The following FMNL3 variants were observed in gnomAD, a reference collection of about 807,000 sequenced individuals.
FMNL3 encodes formin-like protein 3.
A neutral mutation model predicts 119.6 loss-of-function variants in FMNL3; 57 were observed. The observed-to-expected ratio is 0.48, with a 90% confidence interval of 0.39 to 0.59. The LOEUF is 0.59. Among genes scored for constraint, FMNL3 ranks in the 20% least tolerant of loss-of-function variants. FMNL3 has a pLI of 0.00. For missense variants in FMNL3, 1,053 were observed against 1,323.5 expected (o/e 0.80, Z 3.17); for synonymous variants, 491 against 507.3 (o/e 0.97, Z 0.43).
At chr12:49,681,462 T>G (rs1370333879) in intron 1 of FMNL3, among the ~76,000 whole-genome samples, 2 of 152,144 alleles carry the variant, frequency 1.3e-5, no homozygotes, top group Non-Finnish European at 2.9e-5. Context: ...GTGCTGGGAT[T>G]ACAAGCGTGA....
chr12:49,650,130 A>G (rs1168784883), intron 17 of FMNL3, among the ~76,000 whole-genome samples: 1 of 152,104 alleles, frequency 6.6e-6, no homozygotes, highest in African/African-American at 2.4e-5. Flanking sequence ...AAGCCCTTTG[A>G]TGTACTCCCA....
chr12:49,650,498 AG>A, intron 17 of FMNL3, among the ~76,000 whole-genome samples, 177 bp downstream of exon 17: 1 of 152,282 alleles, frequency 6.6e-6, no homozygotes, highest in South Asian at 2.1e-4. Flanking sequence ...CCTTGGGTGA[AG>A]GTCTGGGCTG....
intron 22 of FMNL3, 61 bp downstream of exon 22, chr12:49,648,132 C>T (rs1044265136): frequency 3.3e-6 from 5 of 1,528,976 alleles, no homozygotes; most frequent in African/African-American, 1.4e-5. Context: ...GAACTAGGGC[C>T]ACCTAGAGGG....
At chr12:49,679,519 CTTTTTTTTTTT>C (rs551320921) in intron 1 of FMNL3, among the ~76,000 whole-genome samples, 11 of 90,622 alleles carry the variant, frequency 1.2e-4, no homozygotes, top group African/African-American at 4.2e-4. Flanking sequence ...GCATTTGTGT[CTTTTTTTTTTT>C]TTTTTTTTTT....
At chr12:49,706,774 G>A (rs1054212884) in intron 1 of FMNL3, among the ~76,000 whole-genome samples, 3 of 152,144 alleles carry the variant, frequency 2.0e-5, no homozygotes, top group African/African-American at 4.8e-5. Context: ...AGCAGAAGGG[G>A]GAGGAAGAAG....
chr12:49,651,121 G>C (rs753506629), intron 16 of FMNL3, 47 bp downstream of exon 16: 1 of 1,595,892 alleles, frequency 6.3e-7, no homozygotes. Context: ...AAGGCAACCA[G>C]GTCCCTAGCC....
chr12:49,654,777 A>T, intron 10 of FMNL3, 133 bp downstream of exon 10: 1 of 847,358 alleles, frequency 1.2e-6, no homozygotes, highest in Non-Finnish European at 1.9e-6. Flanking sequence ...GGTGGACAAG[A>T]AGCATTTGCT....
Position 49,637,881 on chromosome 12 carries a change from C to T in FMNL3, c.*7934G>A, listed in dbSNP as rs1942064503. 7.1e-7 allele frequency: 1 copy of T among 1,401,238 alleles called. No homozygotes were observed. Among genetic ancestry groups the T allele is most frequent in the Admixed American group, 1.8e-5 (1 of 57,112 alleles). 86.8% of individuals were successfully genotyped at this position (1,401,238 alleles called of 1,614,324 possible). A position where few individuals can be genotyped will look rare whatever the true frequency, so the allele number is the denominator to read the frequency against. On this transcript the variant is annotated 3_prime_UTR_variant, in exon 26 of 26. Transcript: ENST00000335154. ...GGATGGATGCAGGGCACACTCCCTG[C>T]AGAGGACTCCCTGATAAGTCCTGTT... is the stretch of plus-strand genomic sequence containing the variant.
chr12:49,637,864 G>A lies in FMNL3; in HGVS notation c.*7951C>T. 6.7e-7 allele frequency: 1 copy of A among 1,503,736 alleles called. No homozygotes were observed. The highest frequency in any genetic ancestry group is 9.2e-7 in the Non-Finnish European group (1 of 1,082,358). 93.1% of individuals were successfully genotyped at this position (1,503,736 alleles called of 1,614,324 possible). On this transcript the variant is annotated 3_prime_UTR_variant, in exon 26 of 26. Transcript: ENST00000335154. ...GGTTATGGATGGATACAGGATGGAT[G>A]CAGGGCACACTCCCTGCAGAGGACT...
At chr12:49,651,540 A>G in intron 14 of FMNL3, 90 bp from the exon 15 acceptor site, 1 of 1,025,084 alleles carries the variant, frequency 9.8e-7, no homozygotes, top group Non-Finnish European at 1.3e-6. Context: ...CTTCTCTGAG[A>G]GTTAAAAAAA....
Position 49,649,996 on chromosome 12 carries a change from A to C in FMNL3, c.2001-71T>G. The stretch of plus-strand genomic sequence containing the variant: ...TTTTCCCTCATCCCTTTTATTCTCC[A>C]AGCTCCTAGAAGAACTGGACAGGGG... On this transcript the variant is annotated intron_variant, in intron 17 of 25. Transcript: ENST00000335154. The surrounding 1 kb of genome is among the most constrained non-coding windows in gnomAD (Gnocchi z 5.6). The C allele has an allele frequency of 2.2e-5, 29 of 1,328,628 alleles. No homozygotes were observed. Among genetic ancestry groups the C allele is most frequent in the Non-Finnish European group, 2.8e-5 (27 of 960,558 alleles). 82.3% of individuals were successfully genotyped at this position (1,328,628 alleles called of 1,614,324 possible). A position where few individuals can be genotyped will look rare whatever the true frequency, so the allele number is the denominator to read the frequency against.
In FMNL3 at chr12:49,639,780, G is replaced by A. The variant is rs548264817; in HGVS notation, c.*6035C>T. The A allele has an allele frequency of 1.3e-5, 2 of 152,346 alleles. No homozygotes were observed. The highest frequency in any genetic ancestry group is 1.3e-4 in the Admixed American group (2 of 15,308). The allele number at this position is 152,346 out of a possible 1,614,324, so 9.4% of individuals were successfully genotyped here. Reference sequence around the variant, plus strand: ...GGAGGGAAAGGAAGGAATCAGAGGTGTCAGGGCAGTGGATGATGGCACTAT... The same window carrying A: ...GGAGGGAAAGGAAGGAATCAGAGGTATCAGGGCAGTGGATGATGGCACTAT... On this transcript the variant is annotated 3_prime_UTR_variant, in exon 26 of 26. Coordinates refer to ENST00000335154, the MANE Select transcript of FMNL3 (RefSeq NM_175736.5).
chr12:49,659,695 T>G, intron 5 of FMNL3: 48 of 887,378 alleles, frequency 5.4e-5, no homozygotes, highest in Non-Finnish European at 5.9e-5. Flanking sequence ...ATTACATGTG[T>G]GAGCCACTGC....
At chr12:49,656,142 C>T (rs1943562165) in intron 9 of FMNL3, among the ~76,000 whole-genome samples, 1 of 152,028 alleles carries the variant, frequency 6.6e-6, no homozygotes, top group South Asian at 2.1e-4. Context: ...GGATGCAGGG[C>T]CCAACTAGGA....
Position 49,649,419 on chromosome 12 carries a change from C to T in FMNL3, c.2304+51G>A. 1 of 1,612,306 alleles carries T rather than the reference C, an allele frequency of 6.2e-7. No homozygotes were observed. Among genetic ancestry groups the T allele is most frequent in the Non-Finnish European group, 8.5e-7 (1 of 1,178,516 alleles). ...TTCCTCTCTGTATAGCCCCAGGCCC[C>T]CACCTAGGACCTGAAAACCCCCAGC... is the stretch of plus-strand genomic sequence containing the variant. On this transcript the variant is annotated intron_variant, in intron 19 of 25. Coordinates refer to ENST00000335154, the MANE Select transcript of FMNL3 (RefSeq NM_175736.5). This position sits in a 1 kb window ranked among gnomAD's most constrained non-coding sequence, Gnocchi z 5.6.
chr12:49,679,115 A>C (rs895830067), intron 1 of FMNL3, among the ~76,000 whole-genome samples: 2 of 152,196 alleles, frequency 1.3e-5, no homozygotes, highest in African/African-American at 4.8e-5. Context: ...TATCTCATCT[A>C]ATTCTCAAAA....
Position 49,665,867 on chromosome 12 carries a change from C to A in FMNL3, c.333G>T (p.Arg111Ser), listed in dbSNP as rs750895961. Residue 111 changes from arginine to serine, a missense_variant, in exon 4 of 26, where the codon AGG becomes AGT. Coordinates refer to ENST00000335154, the MANE Select transcript of FMNL3 (RefSeq NM_175736.5). ...RRVQESTKVL[R>S]ELEISLRTNH... ...TGGTGCGAAGAGAGATCTCCAGCTCCCTTAGTACTTTGGTTGACTCCTGCA... is the reference window on the plus strand; with the variant it reads ...TGGTGCGAAGAGAGATCTCCAGCTCACTTAGTACTTTGGTTGACTCCTGCA... 1 of 1,614,186 alleles carries A rather than the reference C, an allele frequency of 6.2e-7. No homozygotes were observed. Among genetic ancestry groups the A allele is most frequent in the Non-Finnish European group, 8.5e-7 (1 of 1,180,036 alleles).
intron 1 of FMNL3, among the ~76,000 whole-genome samples, chr12:49,689,436 A>C (rs2138993180): frequency 6.6e-6 from 1 of 152,310 alleles, no homozygotes; most frequent in African/African-American, 2.4e-5. Flanking sequence ...CTTTTCTAAC[A>C]ATCAAGAAAT....
rs755613207 is a variant in FMNL3, at chr12:49,648,315, C to T, written c.2554G>A (p.Gly852Ser). Residue 852 changes from glycine (G) to serine (S), a missense_variant, in exon 22 of 26, where the codon GGC becomes AGC. By Grantham distance (56) the Gly-to-Ser change is moderately conservative. Coordinates refer to ENST00000335154, the MANE Select transcript of FMNL3 (RefSeq NM_175736.5). ...CGCCGAATCAGCTCCATGCCCCGGC[C>T]CAGCTCCTTCACGTCCAGCAGCACG... ...ENVLLDVKEL[G>S]RGMELIRREC... 7 of 1,613,402 alleles carry T rather than the reference C, an allele frequency of 4.3e-6. No homozygotes were observed. The Admixed American group carries it at 5.0e-5, about 12-fold the overall frequency.
Sources: allele counts gnomAD v4.1 joint callset (sites outside exome capture counted in the v4.1 genomes callset), GRCh38; gene constraint gnomAD v4.1.1; non-coding constraint Gnocchi (gnomAD v3.1); transcripts MANE v1.5; gene names NCBI Gene and HGNC (gene_info 2026-07-23, HGNC 2026-07-21).